Variants in HIP1R observed in about 807,000 individuals in gnomAD.
The protein encoded by HIP1R is huntingtin-interacting protein 1-related protein.
Under a neutral mutation model 144.2 loss-of-function variants are expected in HIP1R, and 135 were observed. The ratio of observed to expected loss-of-function variants is 0.94; its 90% confidence interval spans 0.81 to 1.08. HIP1R has a LOEUF of 1.08. Ranked by LOEUF, HIP1R falls within the 50% of genes least tolerant of loss-of-function variation. The pLI is 0.00. For missense variants in HIP1R, 1,462 were observed against 1,432.8 expected, an observed-to-expected ratio of 1.02 and a Z score of -0.33; for synonymous variants, 698 against 612.8, an observed-to-expected ratio of 1.14 and a Z score of -2.05.
Position 122,854,179 on chromosome 12 carries a change from C to T in HIP1R, c.714C>T (p.His238=). 1 of 1,613,576 alleles carries T rather than the reference C, an allele frequency of 6.2e-7. No individual in the cohort carries two copies. The highest frequency in any genetic ancestry group is 8.5e-7 in the Non-Finnish European group (1 of 1,179,804). ...CGGTCAAGCTCCTGTTCAAGCTACA[C>T]TCTTGTGAGTGGCCCAGGGCAACCC... ...HYTVKLLFKL[H]SCLPADTLQG... The change falls in exon 8 of 32, where the codon CAC becomes CAT. Residue 238 remains histidine (H), a synonymous_variant. Coordinates refer to ENST00000253083, the MANE Select transcript of HIP1R (RefSeq NM_003959.3).
Position 122,858,430 on chromosome 12 carries a change from T to C in HIP1R, c.2045T>C (p.Leu682Ser). 4.4e-6 allele frequency: 7 copies of C among 1,604,490 alleles called. No individual in the cohort carries two copies. The highest frequency in any genetic ancestry group is 6.0e-6 in the Non-Finnish European group (7 of 1,174,256). Reference protein sequence around the residue: ...EEGHAQYLTSLADASALVAAL... With the variant: ...EEGHAQYLTSSADASALVAAL... ...GGCCACGCCCAGTACCTGACCTCCT[T>C]GGCAGGTGAGTGTAGCCAGGGCAGG... The change falls in exon 20 of 32, where the codon TTG becomes TCG. Residue 682 changes from leucine to serine, a missense_variant. This residue lies in a region of HIP1R where 1,112 missense variants were observed against 1,011.7 expected (regional missense o/e 1.10). Coordinates refer to ENST00000253083, the MANE Select transcript of HIP1R (RefSeq NM_003959.3).
At chr12:122,841,450 C>T (rs531894062) in intron 1 of HIP1R, among the ~76,000 whole-genome samples, 1 of 152,194 alleles carries the variant, frequency 6.6e-6, no homozygotes, top group East Asian at 1.9e-4. Context: ...AGGGCCGCGT[C>T]GTAAGTGGCT....
At chr12:122,857,349 G>T (rs2033621199) in intron 18 of HIP1R, 134 bp downstream of exon 18, 5 of 844,412 alleles carry the variant, frequency 5.9e-6, no homozygotes, top group Non-Finnish European at 9.6e-6. Context: ...TTTGTGTCCG[G>T]CTTCTTCACT....
rs1241275512 is a variant in HIP1R at position 122,860,196 on chromosome 12, G to A, written c.2545G>A (p.Val849Met). The A allele has an allele frequency of 5.8e-6, 9 of 1,563,948 alleles. No individual in the cohort carries two copies. The highest frequency in any genetic ancestry group is 2.3e-5 in the South Asian group (2 of 86,236). The change falls in exon 26 of 32, where the codon GTG becomes ATG. Residue 849 changes from valine (V) to methionine (M), a missense_variant. By Grantham distance (21) the Val-to-Met change is conservative (BLOSUM62 1). Coordinates refer to ENST00000253083, the MANE Select transcript of HIP1R (RefSeq NM_003959.3). ...ATCCACTAGCCTGCAGAAGGAGATCGTGGAGAGCGGCAGGGTGAGGGGCCG... is the reference window on the plus strand; with the variant it reads ...ATCCACTAGCCTGCAGAAGGAGATCATGGAGAGCGGCAGGGTGAGGGGCCG... Reference protein sequence around the residue: ...TTSTSLQKEIVESGRGAATQQ... With the variant: ...TTSTSLQKEIMESGRGAATQQ...
intron 8 of HIP1R, 48 bp downstream of exon 8, chr12:122,854,231 GC>G: frequency 6.6e-7 from 1 of 1,519,732 alleles, no homozygotes; most frequent in Non-Finnish European, 8.9e-7. Context: ...TGTTTATATG[GC>G]TTAGACATTC....
Position 122,836,016 on chromosome 12 carries a change from C to A in HIP1R, c.93+373C>A, listed in dbSNP as rs1350815095. ...GGGTTGGGTGTGCGCGAGCCCAGCGCGCCGGGGGTCGAGGGGGCTGGGGAT... is the reference window on the plus strand; with the variant it reads ...GGGTTGGGTGTGCGCGAGCCCAGCGAGCCGGGGGTCGAGGGGGCTGGGGAT... On this transcript the variant is annotated intron_variant, in intron 1 of 31. Coordinates refer to ENST00000253083, the MANE Select transcript of HIP1R (RefSeq NM_003959.3). The surrounding 1 kb of genome is among the most constrained non-coding windows in gnomAD (Gnocchi z 4.1). 1.3e-5 allele frequency among the ~76,000 whole-genome samples: 2 copies of A among 151,586 alleles called. No homozygotes were observed. The highest frequency in any genetic ancestry group is 3.9e-4 in the East Asian group (2 of 5,088).
chr12:122,851,006 G>A, intron 6 of HIP1R, 95 bp downstream of exon 6: 3 of 1,129,342 alleles, frequency 2.7e-6, no homozygotes, highest in Non-Finnish European at 3.9e-6. Flanking sequence ...TGGGGCAGTG[G>A]GGTTGAATGA....
At position 122,860,969 on chromosome 12, in the gene HIP1R, C is replaced by G; in HGVS notation, c.2820C>G (p.Arg940=). The stretch of plus-strand genomic sequence containing the variant: ...TGAGCCGCCTGCAGGAATGTTCTCG[C>G]ACAGTCAATGAGAGGGCTGCCAATG... ...PHLSRLQECS[R]TVNERAANVV... Residue 940 remains arginine, a synonymous_variant, in exon 29 of 32, where the codon CGC becomes CGG. Transcript: ENST00000253083. 6.2e-7 allele frequency: 1 copy of G among 1,613,484 alleles called. No homozygotes were observed. The highest frequency in any genetic ancestry group is 8.5e-7 in the Non-Finnish European group (1 of 1,179,972).
chr12:122,856,288 A>C lies in HIP1R; in HGVS notation c.1345A>C (p.Lys449Gln), dbSNP rs777676281. 1 of 1,613,810 alleles carries C rather than the reference A, an allele frequency of 6.2e-7. No homozygotes were observed. The highest frequency in any genetic ancestry group is 1.1e-5 in the South Asian group (1 of 91,086). The change falls in exon 15 of 32, where the codon AAG (lysine) becomes CAG (glutamine). Residue 449 changes from lysine (K) to glutamine (Q), a missense_variant. Around this residue, in one of 2 missense-constraint regions of HIP1R, gnomAD observed 1,112 missense variants for 1,011.7 expected, o/e 1.10. Transcript: ENST00000253083. ...KASATEARYN[K>Q]LKEKHSELVH... ...CAGTGCCACGGAGGCGCGCTACAAC[A>C]AGCTGAAGGAAAAGCACAGTGAGCT...
chr12:122,847,947 C>T, intron 1 of HIP1R, 84 bp from the exon 2 acceptor site: 16 of 1,281,860 alleles, frequency 1.2e-5, no homozygotes, highest in Middle Eastern at 1.9e-4. Context: ...GAATCCTGTT[C>T]AGTATTGTGC....
intron 8 of HIP1R, 36 bp from the exon 9 acceptor site, chr12:122,854,869 G>T: frequency 8.7e-6 from 14 of 1,604,664 alleles, no homozygotes; most frequent in Non-Finnish European, 1.2e-5. Flanking sequence ...TGAGCAGTGT[G>T]CAGAGAAGTC....
Position 122,856,059 on chromosome 12 carries a change from A to C in HIP1R, c.1208A>C (p.Gln403Pro). 6.3e-7 allele frequency: 1 copy of C among 1,593,218 alleles called. No homozygotes were observed. Among genetic ancestry groups the C allele is most frequent in the Non-Finnish European group, 8.5e-7 (1 of 1,170,160 alleles). The change falls in exon 14 of 32, where the codon CAG (glutamine) becomes CCG (proline). Residue 403 changes from glutamine (Q) to proline (P), a missense_variant. This residue lies in a region of HIP1R where 1,112 missense variants were observed against 1,011.7 expected (regional missense o/e 1.10). Transcript: ENST00000253083. ...CTGGAGGAGCAGCGGAAGCAGAAGC[A>C]GAAGGCCCTGGTGGATAATGAGCAG... The part of the protein sequence containing the change: ...GELEEQRKQK[Q>P]KALVDNEQLR...
At chr12:122,846,521 C>A (rs1310169018) in intron 1 of HIP1R, among the ~76,000 whole-genome samples, 2 of 152,176 alleles carry the variant, frequency 1.3e-5, no homozygotes, top group African/African-American at 4.8e-5. Flanking sequence ...TTGGTGGATA[C>A]GAGTTTGTTC....
intron 19 of HIP1R, 29 bp downstream of exon 19, chr12:122,858,278 C>A: frequency 6.3e-7 from 1 of 1,578,350 alleles, no homozygotes; most frequent in East Asian, 2.3e-5. Flanking sequence ...CTCAGCCGCT[C>A]CCCTGCCTCC....
intron 5 of HIP1R, chr12:122,850,353 G>A (rs1271626286): frequency 2.1e-6 from 1 of 476,290 alleles, no homozygotes; most frequent in Non-Finnish European, 4.1e-6. Flanking sequence ...CGCTGGGTTG[G>A]GGGGGCCCTG....
intron 5 of HIP1R, 99 bp from the exon 6 acceptor site, chr12:122,850,736 G>C: frequency 1.6e-6 from 1 of 620,142 alleles, no homozygotes; most frequent in South Asian, 1.7e-5. Flanking sequence ...GGGGGCCCTG[G>C]TTCAGTGGCC....
chr12:122,837,610 C>T (rs1349482647), intron 1 of HIP1R, among the ~76,000 whole-genome samples: 2 of 152,206 alleles, frequency 1.3e-5, no homozygotes, highest in African/African-American at 4.8e-5. Flanking sequence ...AGGCACCTCT[C>T]CGAAGGTGGA....
intron 6 of HIP1R, 32 bp downstream of exon 6, chr12:122,850,943 T>C (rs751088669): frequency 1.5e-5 from 24 of 1,574,124 alleles, no homozygotes; most frequent in East Asian, 1.4e-4. Flanking sequence ...CATAGCCAGT[T>C]CCCCTCGGCT....
chr12:122,854,970 C>G lies in HIP1R; in HGVS notation c.776+8C>G, dbSNP rs758754207. 1.9e-6 allele frequency: 3 copies of G among 1,613,152 alleles called. No individual in the cohort carries two copies. Among genetic ancestry groups the G allele is most frequent in the Non-Finnish European group, 2.5e-6 (3 of 1,179,694 alleles). Reference sequence around the variant, plus strand: ...CCACGAGCAGTTTCACAGGTACTGCCTGGGACAGGGACAGGATTGAGGCCG... The same window carrying G: ...CCACGAGCAGTTTCACAGGTACTGCGTGGGACAGGGACAGGATTGAGGCCG... On this transcript the variant is annotated splice_region_variant and intron_variant, in intron 9 of 31. Transcript: ENST00000253083.
Sources: gnomAD v4.1 joint callset for allele counts (sites outside exome capture counted in the v4.1 genomes callset) on GRCh38, gnomAD v4.1.1 for gene constraint, gnomAD v4.1.1 regional missense constraint, Gnocchi (gnomAD v3.1) non-coding constraint, MANE v1.5 for transcripts, NCBI Gene and HGNC (gene_info 2026-07-23, HGNC 2026-07-21) for gene names.